The following PTPRK variants were observed in gnomAD, a reference collection of about 807,000 sequenced individuals.
PTPRK encodes receptor-type tyrosine-protein phosphatase kappa.
A neutral mutation model predicts 178.0 loss-of-function variants in PTPRK; 75 were observed. The ratio of observed to expected loss-of-function variants is 0.42; its 90% CI spans 0.35 to 0.51. PTPRK has a LOEUF of 0.51. PTPRK is among the 20% of genes least tolerant of loss of function. The pLI, the probability that PTPRK is intolerant of heterozygous loss-of-function variation, is 0.02. For synonymous variants in PTPRK, 637 were observed against 620.6 expected, an observed-to-expected ratio of 1.03 and a Z score of -0.39; for missense variants, 1,441 against 1,797.8, an observed-to-expected ratio of 0.80 and a Z score of 3.59.
chr6:128,198,423 G>T (rs558012842), intron 6 of PTPRK, among the ~76,000 whole-genome samples: 2 of 152,020 alleles, frequency 1.3e-5, no homozygotes, highest in African/African-American at 4.8e-5. Context: ...GTTGAACAAC[G>T]AGAACACATG....
intron 13 of PTPRK, chr6:128,063,433 C>T (rs563595493): frequency 6.6e-6 from 1 of 152,200 alleles, no homozygotes; most frequent in South Asian, 2.1e-4. Context: ...TATATAGCTA[C>T]CATTTCTCAG....
chr6:127,991,104 T>G (rs1037433672), intron 20 of PTPRK, among the ~76,000 whole-genome samples, 190 bp downstream of exon 20: 2 of 152,002 alleles, frequency 1.3e-5, no homozygotes, highest in Admixed American at 6.6e-5. Context: ...AATTAAAGCT[T>G]ATTTTATTAC....
chr6:128,051,838 C>T (rs1048681378), intron 13 of PTPRK, among the ~76,000 whole-genome samples: 1 of 152,026 alleles, frequency 6.6e-6, no homozygotes. Context: ...TTTTGGTACC[C>T]TACACTTGGC....
chr6:128,214,682 A>G (rs1306644482), intron 6 of PTPRK, among the ~76,000 whole-genome samples: 1 of 152,110 alleles, frequency 6.6e-6, no homozygotes, highest in Non-Finnish European at 1.5e-5. Flanking sequence ...CTTAGGATAG[A>G]AGCCAAAATC....
At chr6:128,236,705 AGAAAACCTCAT>A (rs1326303143) in intron 5 of PTPRK, among the ~76,000 whole-genome samples, 1 of 152,158 alleles carries the variant, frequency 6.6e-6, no homozygotes, top group Non-Finnish European at 1.5e-5. Context: ...ACTACTTTCC[AGAAAACCTCAT>A]GATTTCACCA....
chr6:128,314,240 CT>C (rs1827680958), intron 3 of PTPRK, among the ~76,000 whole-genome samples: 1 of 152,134 alleles, frequency 6.6e-6, no homozygotes, highest in South Asian at 2.1e-4. Flanking sequence ...GTATTCTAAT[CT>C]TTTTCTCATT....
chr6:128,077,250 C>G (rs1783999158), intron 11 of PTPRK, among the ~76,000 whole-genome samples: 1 of 151,980 alleles, frequency 6.6e-6, no homozygotes, highest in South Asian at 2.1e-4. Flanking sequence ...GGCATTTTCT[C>G]TTTCTACTTT....
At chr6:128,195,227 TAA>T (rs1373978955) in intron 6 of PTPRK, among the ~76,000 whole-genome samples, 1 of 151,996 alleles carries the variant, frequency 6.6e-6, no homozygotes, top group African/African-American at 2.4e-5. Flanking sequence ...AAACCTAATC[TAA>T]GTTTGCCAAC....
At chr6:128,145,613 T>C (rs1237882818) in intron 7 of PTPRK, among the ~76,000 whole-genome samples, 2 of 152,168 alleles carry the variant, frequency 1.3e-5, no homozygotes, top group Non-Finnish European at 2.9e-5. Context: ...TGAGTCCTTA[T>C]TCTTGAGATT....
At chr6:128,166,076 C>T (rs989732505) in intron 7 of PTPRK, among the ~76,000 whole-genome samples, 3 of 151,486 alleles carry the variant, frequency 2.0e-5, no homozygotes, top group Non-Finnish European at 4.4e-5. Context: ...AACTGTTCAT[C>T]GGAGACACAG....
intron 7 of PTPRK, among the ~76,000 whole-genome samples, chr6:128,169,671 A>G (rs1799933877): frequency 6.6e-6 from 1 of 152,058 alleles, no homozygotes; most frequent in South Asian, 2.1e-4. Flanking sequence ...TTACACAAAT[A>G]ACTTTAATGG....
At chr6:128,274,837 A>ATTTT (rs1820457796) in intron 3 of PTPRK, among the ~76,000 whole-genome samples, 1 of 151,994 alleles carries the variant, frequency 6.6e-6, no homozygotes, top group African/African-American at 2.4e-5. Context: ...AATTCAGAAG[A>ATTTT]CAAATTTCTG....
At chr6:128,191,044 C>T (rs1015373829) in intron 6 of PTPRK, among the ~76,000 whole-genome samples, 1 of 151,916 alleles carries the variant, frequency 6.6e-6, no homozygotes, top group Non-Finnish European at 1.5e-5. Context: ...CATGCCTATG[C>T]TTACAATATT....
At chr6:128,410,186 G>A (rs1584581046) in intron 1 of PTPRK, among the ~76,000 whole-genome samples, 1 of 152,142 alleles carries the variant, frequency 6.6e-6, no homozygotes, top group African/African-American at 2.4e-5. Context: ...CCAAGTAATT[G>A]TATTTGTCTA....
intron 1 of PTPRK, among the ~76,000 whole-genome samples, chr6:128,397,991 G>A (rs1315484202): frequency 1.3e-5 from 2 of 152,194 alleles, no homozygotes; most frequent in African/African-American, 2.4e-5. Flanking sequence ...CAAAGTGTTA[G>A]TGGTAGAGGA....
chr6:128,490,112 T>C (rs568886761), intron 1 of PTPRK, among the ~76,000 whole-genome samples: 1 of 152,322 alleles, frequency 6.6e-6, no homozygotes, highest in Admixed American at 6.5e-5. Flanking sequence ...ACAACTGCTT[T>C]TCTCTCCTCT....
At chr6:128,037,495 G>T (rs2114821915) in intron 13 of PTPRK, among the ~76,000 whole-genome samples, 1 of 152,276 alleles carries the variant, frequency 6.6e-6, no homozygotes, top group South Asian at 2.1e-4. Flanking sequence ...CAAGATTTAA[G>T]AATGCATATC....
intron 4 of PTPRK, chr6:128,241,379 A>C (rs1814421217): frequency 1.2e-5 from 6 of 508,286 alleles, no homozygotes; most frequent in South Asian, 8.9e-5. Flanking sequence ...AATCAGAACC[A>C]GGGGAAGAGC....
At chr6:128,304,742 G>A (rs369043608) in intron 3 of PTPRK, among the ~76,000 whole-genome samples, 3 of 152,152 alleles carry the variant, frequency 2.0e-5, no homozygotes, top group South Asian at 2.1e-4. Context: ...TCAGTAGAAC[G>A]CTAAATTCCC....
Sources: gnomAD v4.1 joint callset for allele counts (sites outside exome capture counted in the v4.1 genomes callset) on GRCh38, gnomAD v4.1.1 for gene constraint, MANE v1.5 for transcripts, NCBI Gene and HGNC (gene_info 2026-07-23, HGNC 2026-07-21) for gene names.